The following PXYLP1 variants were observed in gnomAD, a reference collection of about 807,000 sequenced individuals.
PXYLP1 encodes 2-phosphoxylose phosphatase 1.
Under a neutral mutation model 37.9 loss-of-function variants are expected in PXYLP1, and 17 were observed. That is an observed-to-expected ratio of 0.45 (90% confidence interval 0.31 to 0.67). PXYLP1 has a LOEUF of 0.67. Ranked by LOEUF, PXYLP1 falls within the 30% of genes least tolerant of loss-of-function variation. The pLI is 0.07. For missense variants in PXYLP1, 511 were observed against 612.0 expected (o/e 0.84, Z 1.74); for synonymous variants, 221 against 232.2 (o/e 0.95, Z 0.44).
intron 4 of PXYLP1, among the ~76,000 whole-genome samples, chr3:141,285,759 C>G (rs1942062179): frequency 6.6e-6 from 1 of 152,162 alleles, no homozygotes; most frequent in Non-Finnish European, 1.5e-5. Context: ...GTGGATTACT[C>G]TTGGCAGCCT....
intron 5 of PXYLP1, among the ~76,000 whole-genome samples, chr3:141,288,087 G>A (rs1244935152): frequency 1.3e-5 from 2 of 152,194 alleles, no homozygotes; most frequent in African/African-American, 2.4e-5. Context: ...CTTTCCCTCC[G>A]CAGCCCTAGT....
intron 1 of PXYLP1, among the ~76,000 whole-genome samples, chr3:141,237,965 A>G (rs138108618): frequency 2.2e-3 from 330 of 152,320 alleles, no homozygotes; most frequent in African/African-American, 7.7e-3. Flanking sequence ...GAAGCATGAT[A>G]AGAGATCCTA....
intron 2 of PXYLP1, among the ~76,000 whole-genome samples, chr3:141,266,698 G>A (rs1941524218): frequency 7.2e-6 from 1 of 139,448 alleles, no homozygotes; most frequent in Admixed American, 7.0e-5. Context: ...ATGAGGGGGA[G>A]AGAGGGAGAG....
rs377115531 is a variant in PXYLP1 at position 141,264,625 on chromosome 3, C to T, written c.79+4371C>T. ...TGGAGAAGAATCACAAGCCGACACC[C>T]TGGAATACCAGGTGCTGTGTGCTGG... On this transcript the variant is annotated intron_variant, in intron 2 of 5. Transcript: ENST00000286353. 1.6e-3 allele frequency among the ~76,000 whole-genome samples: 238 copies of T among 152,308 alleles called. 7 individuals are homozygous for T. The South Asian group carries it at 0.048, about 31-fold the overall frequency.
chr3:141,238,477 C>T lies in PXYLP1; in HGVS notation c.-54+6566C>T, dbSNP rs550936902. On this transcript the variant is annotated intron_variant, in intron 1 of 5. Transcript: ENST00000286353. ...CCTCGTTTGAGCGTGATTAGCCCAG[C>T]TTGTACTCAACATACACTGGAATAC... 4.4e-4 allele frequency among the ~76,000 whole-genome samples: 67 copies of T among 152,316 alleles called. No individual in the cohort carries two copies. In the Middle Eastern group the frequency reaches 0.01, roughly 23 times the overall value.
At chr3:141,243,587 G>A (rs900156259) in intron 1 of PXYLP1, among the ~76,000 whole-genome samples, 1 of 152,178 alleles carries the variant, frequency 6.6e-6, no homozygotes, top group African/African-American at 2.4e-5. Context: ...CACAGTTTCC[G>A]CCTCTTTCAC....
At chr3:141,264,782 C>A (rs1301767054) in intron 2 of PXYLP1, among the ~76,000 whole-genome samples, 2 of 152,182 alleles carry the variant, frequency 1.3e-5, no homozygotes, top group African/African-American at 4.8e-5. Flanking sequence ...CCTCTCTGTG[C>A]CTTGGTTTCC....
intron 2 of PXYLP1, among the ~76,000 whole-genome samples, chr3:141,264,634 C>G (rs1219273281): frequency 3.9e-5 from 6 of 152,138 alleles, no homozygotes. Flanking sequence ...CCTGGAATAC[C>G]AGGTGCTGTG....
chr3:141,275,214 G>A (rs1015726085), intron 2 of PXYLP1, among the ~76,000 whole-genome samples: 1 of 152,180 alleles, frequency 6.6e-6, no homozygotes, highest in Non-Finnish European at 1.5e-5. Flanking sequence ...CTGGAGAGAA[G>A]GTCTCATTCT....
rs1270987716 is a variant in PXYLP1, at chr3:141,294,157, T to G, written c.*952T>G. 1 of 152,260 alleles carries G rather than the reference T, an allele frequency of 6.6e-6. No individual in the cohort carries two copies. The highest frequency in any genetic ancestry group is 1.5e-5 in the Non-Finnish European group (1 of 68,048). 9.4% of individuals were successfully genotyped at this position (152,260 alleles called of 1,614,324 possible). ...TATGCTGAAATTTTTGTATGCCATT[T>G]AGTATTTTTATAGTTTAGGAAAATA... On this transcript the variant is annotated 3_prime_UTR_variant, in exon 6 of 6. Transcript: ENST00000286353.
intron 1 of PXYLP1, among the ~76,000 whole-genome samples, chr3:141,259,675 A>G (rs988392526): frequency 3.3e-5 from 5 of 152,222 alleles, no homozygotes; most frequent in Admixed American, 2.0e-4. Context: ...CAGATTAACA[A>G]TTACAATTAA....
chr3:141,238,992 G>T (rs1448294069), intron 1 of PXYLP1, among the ~76,000 whole-genome samples: 11 of 151,164 alleles, frequency 7.3e-5, no homozygotes, highest in Non-Finnish European at 1.2e-4. Flanking sequence ...CGTGTAAGTC[G>T]ACCTGCTCAG....
At chr3:141,259,882 T>C (rs1941349177) in intron 1 of PXYLP1, among the ~76,000 whole-genome samples, 1 of 152,216 alleles carries the variant, frequency 6.6e-6, no homozygotes, top group African/African-American at 2.4e-5. Flanking sequence ...TGATGTCAGA[T>C]AAGGCATTCA....
At chr3:141,289,777 G>A (rs1209609538) in intron 5 of PXYLP1, among the ~76,000 whole-genome samples, 1 of 152,036 alleles carries the variant, frequency 6.6e-6, no homozygotes, top group African/African-American at 2.4e-5. Flanking sequence ...GAGGTCCTAG[G>A]GGTTAGCATC....
At position 141,284,226 on chromosome 3, in the gene PXYLP1, G is replaced by A. The variant is rs973375736; in HGVS notation, c.366-3088G>A. Among the ~76,000 whole-genome samples, 3 of 151,984 alleles carry A rather than the reference G, an allele frequency of 2.0e-5. 1 individual carries two copies. The highest frequency in any genetic ancestry group is 3.2e-3 in the Middle Eastern group (1 of 316). On this transcript the variant is annotated intron_variant, in intron 4 of 5. Transcript: ENST00000286353. The stretch of plus-strand genomic sequence containing the variant: ...TAGTCAGCTCCACCTGGTCATTCAG[G>A]GCCCCAGGTTTCTTCCAGGTTGTTG...
chr3:141,262,190 C>T (rs1002381445), intron 2 of PXYLP1: 1 of 740,770 alleles, frequency 1.3e-6, no homozygotes, highest in African/African-American at 1.9e-5. Flanking sequence ...ATGCATATGA[C>T]AGCCTATTTC....
At chr3:141,276,787 G>C (rs1016870934) in intron 2 of PXYLP1, among the ~76,000 whole-genome samples, 3 of 152,158 alleles carry the variant, frequency 2.0e-5, no homozygotes, top group African/African-American at 7.2e-5. Flanking sequence ...GGAAGCGTCA[G>C]GTTTCTCACA....
intron 2 of PXYLP1, among the ~76,000 whole-genome samples, chr3:141,269,490 AAAG>A (rs1309586482): frequency 6.6e-6 from 1 of 152,118 alleles, no homozygotes; most frequent in Non-Finnish European, 1.5e-5. Flanking sequence ...TATTTTGAAA[AAAG>A]AAAATCTGTT....
chr3:141,249,067 C>T (rs1241753131), intron 1 of PXYLP1, among the ~76,000 whole-genome samples: 1 of 151,978 alleles, frequency 6.6e-6, no homozygotes, highest in Non-Finnish European at 1.5e-5. Flanking sequence ...CAGGAGGGCT[C>T]ATTCTATACT....
Sources: allele counts gnomAD v4.1 joint callset (sites outside exome capture counted in the v4.1 genomes callset), GRCh38; gene constraint gnomAD v4.1.1; transcripts MANE v1.5; gene names NCBI Gene and HGNC (gene_info 2026-07-23, HGNC 2026-07-21).